EYA1: variants seen among roughly 807,000 people sequenced by gnomAD.
The protein encoded by EYA1 is protein phosphatase EYA1.
In EYA1, 16 loss-of-function variants were observed where a neutral mutation model predicts 82.0. The ratio of observed to expected loss-of-function variants is 0.20; its 90% CI spans 0.13 to 0.30. The LOEUF (loss-of-function observed/expected upper bound fraction) is 0.30. Ranked by LOEUF, EYA1 falls within the 10% of genes least tolerant of loss-of-function variation. The pLI, the probability that EYA1 is intolerant of heterozygous loss-of-function variation, is 1.00. For missense variants in EYA1, 633 were observed against 730.7 expected (o/e 0.87, Z 1.54); for synonymous variants, 261 against 264.4 (o/e 0.99, Z 0.12).
chr8:71,340,303 A>G (rs73292187), intron 3 of EYA1, among the ~76,000 whole-genome samples: 7,659 of 152,132 alleles, frequency 0.05, 615 homozygotes, highest in African/African-American at 0.17. Context: ...TTTTATTTGC[A>G]TGACAAATAG....
At chr8:71,415,013 T>C (rs1830783072) in intron 2 of EYA1, among the ~76,000 whole-genome samples, 1 of 152,200 alleles carries the variant, frequency 6.6e-6, no homozygotes, top group Non-Finnish European at 1.5e-5. Context: ...TTGCAGATGC[T>C]TCAAAACTTG....
chr8:71,392,300 C>T (rs1829322883), intron 2 of EYA1, among the ~76,000 whole-genome samples: 1 of 152,110 alleles, frequency 6.6e-6, no homozygotes, highest in African/African-American at 2.4e-5. Flanking sequence ...TTTCTAGTTT[C>T]ATGTCCAAAA....
chr8:71,293,358 A>T (rs1161345440), intron 9 of EYA1, among the ~76,000 whole-genome samples: 1 of 152,182 alleles, frequency 6.6e-6, no homozygotes, highest in Non-Finnish European at 1.5e-5. Flanking sequence ...CAAATACTTA[A>T]GAAAAAGAAT....
chr8:71,326,818 T>G (rs1451255180), intron 4 of EYA1, among the ~76,000 whole-genome samples: 2 of 152,204 alleles, frequency 1.3e-5, no homozygotes, highest in African/African-American at 2.4e-5. Context: ...CAGGAAAACG[T>G]TGGTCTCCCT....
intron 9 of EYA1, among the ~76,000 whole-genome samples, chr8:71,274,974 G>T (rs909910334): frequency 8.0e-6 from 1 of 125,698 alleles, no homozygotes; most frequent in East Asian, 2.8e-4. Flanking sequence ...AAGCGCGTGC[G>T]AGAGCGCATG....
chr8:71,284,171 C>CAG (rs1389989432), intron 9 of EYA1, among the ~76,000 whole-genome samples: 3 of 152,216 alleles, frequency 2.0e-5, no homozygotes, highest in Non-Finnish European at 2.9e-5. Flanking sequence ...TGGCTGCCAC[C>CAG]TTCTTCTGGA....
At chr8:71,443,108 T>A (rs1586726189) in intron 2 of EYA1, among the ~76,000 whole-genome samples, 1 of 151,966 alleles carries the variant, frequency 6.6e-6, no homozygotes, top group South Asian at 2.1e-4. Flanking sequence ...CATGGCTAGG[T>A]ATTAAAACAC....
chr8:71,313,372 T>G (rs1004884983), intron 7 of EYA1, among the ~76,000 whole-genome samples: 8 of 152,182 alleles, frequency 5.3e-5, no homozygotes, highest in African/African-American at 1.4e-4. Flanking sequence ...ATTACACATA[T>G]TAAAATTTTA....
chr8:71,278,249 C>A (rs1253292033), intron 9 of EYA1, among the ~76,000 whole-genome samples: 1 of 152,196 alleles, frequency 6.6e-6, no homozygotes, highest in Non-Finnish European at 1.5e-5. Context: ...TCATATTAAT[C>A]TATATAAAAG....
intron 2 of EYA1, among the ~76,000 whole-genome samples, chr8:71,385,481 C>T (rs1418826199): frequency 1.3e-5 from 2 of 152,158 alleles, no homozygotes; most frequent in Non-Finnish European, 2.9e-5. Context: ...TCTGTTACAA[C>T]TATCTAAACT....
At chr8:71,271,503 T>C (rs1340509258) in intron 10 of EYA1, among the ~76,000 whole-genome samples, 2 of 152,072 alleles carry the variant, frequency 1.3e-5, no homozygotes, top group Admixed American at 1.3e-4. Flanking sequence ...TAGAATTGCA[T>C]AATTTACTAT....
chr8:71,535,696 T>C, intron 2 of EYA1: 1 of 1,376,082 alleles, frequency 7.3e-7, no homozygotes, highest in Non-Finnish European at 9.9e-7. Flanking sequence ...CCATGATGAT[T>C]TTAAAAGTAA....
intron 12 of EYA1, among the ~76,000 whole-genome samples, chr8:71,224,404 T>C (rs1282741005): frequency 6.6e-6 from 1 of 152,244 alleles, no homozygotes; most frequent in Admixed American, 6.5e-5. Flanking sequence ...AATGTGCCTA[T>C]TGAGACCAGC....
At chr8:71,269,965 T>C in intron 10 of EYA1, 142 bp from the exon 11 acceptor site, 2 of 706,530 alleles carry the variant, frequency 2.8e-6, no homozygotes, top group South Asian at 1.6e-5. Flanking sequence ...AACACAACTG[T>C]TTCAAAGAGT....
chr8:71,305,331 T>C lies in EYA1; in HGVS notation c.557-5611A>G, dbSNP rs796234296. Among the ~76,000 whole-genome samples, 15 of 142,678 alleles carry C rather than the reference T, an allele frequency of 1.1e-4. 1 individual carries two copies. The highest frequency in any genetic ancestry group is 3.7e-4 in the African/African-American group (15 of 40,238). 93.6% of individuals were successfully genotyped at this position (142,678 alleles called of 152,430 possible). A position where few individuals can be genotyped will look rare whatever the true frequency, so the allele number is the denominator to read the frequency against. ...TAGAAAGAATTCCCATTATAACCCA[T>C]TATTTCTCAATCAATAAGTTTGGCA... On this transcript the variant is annotated intron_variant, in intron 7 of 17. Transcript: ENST00000340726.
intron 2 of EYA1, among the ~76,000 whole-genome samples, chr8:71,526,970 T>C (rs1813864292): frequency 6.6e-6 from 1 of 152,228 alleles, no homozygotes; most frequent in Non-Finnish European, 1.5e-5. Context: ...TTTATCACTA[T>C]TCTAGGCATG....
At chr8:71,374,699 G>A (rs1191377391) in intron 2 of EYA1, among the ~76,000 whole-genome samples, 9 of 152,128 alleles carry the variant, frequency 5.9e-5, no homozygotes. Flanking sequence ...AGAGATATCT[G>A]CACTCCCATG....
chr8:71,247,394 G>A (rs957788385), intron 11 of EYA1, among the ~76,000 whole-genome samples: 3 of 152,158 alleles, frequency 2.0e-5, no homozygotes, highest in African/African-American at 4.8e-5. Context: ...ATTGCCAAAC[G>A]TCAGGGGTTA....
rs900664550 is a variant in EYA1 at position 71,299,052 on chromosome 8, G to T, written c.821C>A (p.Thr274Lys). 4 of 1,613,548 alleles carry T rather than the reference G, an allele frequency of 2.5e-6. No homozygotes were observed. Among genetic ancestry groups the T allele is most frequent in the Non-Finnish European group, 3.4e-6 (4 of 1,179,594 alleles). Residue 274 changes from threonine to lysine, a missense_variant, in exon 9 of 18, where the codon ACA becomes AAA. Physicochemically the swap from Thr to Lys is moderately conservative, Grantham distance 78. Coordinates refer to ENST00000340726, the MANE Select transcript of EYA1 (RefSeq NM_000503.6). ...GITSQAVTDPTAEYSTIHSPS... is the reference protein window; with the variant it reads ...GITSQAVTDPKAEYSTIHSPS... The stretch of plus-strand genomic sequence containing the variant: ...AATAATATTCACATAATTACCTGCT[G>T]TGGGATCTGTAACTGCTTGGCTGGT...
Sources: allele counts gnomAD v4.1 joint callset (sites outside exome capture counted in the v4.1 genomes callset), GRCh38; gene constraint gnomAD v4.1.1; transcripts MANE v1.5; gene names NCBI Gene and HGNC (gene_info 2026-07-23, HGNC 2026-07-21).